Variants in TMEM178B observed in about 807,000 individuals in gnomAD.
The protein encoded by TMEM178B is transmembrane protein 178B.
TMEM178B carries 5 observed loss-of-function variants against 31.0 expected under a neutral mutation model. The observed-to-expected ratio is 0.16, with a 90% confidence interval of 0.08 to 0.34. The LOEUF (loss-of-function observed/expected upper bound fraction) is 0.34, where lower values mean the gene tolerates loss of function less well. TMEM178B is among the 10% of genes least tolerant of loss of function. TMEM178B has a pLI of 1.00. For missense variants in TMEM178B, 275 were observed against 400.3 expected (o/e 0.69, Z 2.67); for synonymous variants, 164 against 164.0 (o/e 1.00, Z 0.00).
intron 2 of TMEM178B, among the ~76,000 whole-genome samples, chr7:141,373,525 G>A (rs990977304): frequency 6.6e-6 from 1 of 152,234 alleles, no homozygotes; most frequent in African/African-American, 2.4e-5. Context: ...CAGAGTGGGA[G>A]GGTGAACTAC....
intron 1 of TMEM178B, among the ~76,000 whole-genome samples, chr7:141,158,809 C>G (rs763475420): frequency 2.6e-5 from 4 of 152,114 alleles, no homozygotes; most frequent in Non-Finnish European, 5.9e-5. Context: ...GCCGAAAGAA[C>G]AAGCCTGCAT....
intron 3 of TMEM178B, among the ~76,000 whole-genome samples, chr7:141,469,053 A>C (rs1303193464): frequency 1.3e-5 from 2 of 152,194 alleles, no homozygotes; most frequent in East Asian, 3.9e-4. Context: ...AGATGCAGCC[A>C]CCATGTTGAA....
intron 2 of TMEM178B, among the ~76,000 whole-genome samples, chr7:141,253,521 A>G (rs1586851999): frequency 8.4e-6 from 1 of 118,398 alleles, no homozygotes; most frequent in Non-Finnish European, 1.9e-5. Flanking sequence ...TACTATTTTC[A>G]TTTTAGATAC....
At chr7:141,186,587 G>C (rs886678493) in intron 1 of TMEM178B, among the ~76,000 whole-genome samples, 1 of 152,144 alleles carries the variant, frequency 6.6e-6, no homozygotes, top group African/African-American at 2.4e-5. Context: ...CTTCACTTCA[G>C]CTGCATTCTT....
chr7:141,288,195 CTTT>C (rs35802402), intron 2 of TMEM178B, among the ~76,000 whole-genome samples: 10 of 149,588 alleles, frequency 6.7e-5, no homozygotes, highest in South Asian at 2.1e-4. Flanking sequence ...TGCCTCTACT[CTTT>C]TTTTTTTTCC....
At chr7:141,179,939 T>C (rs1446449604) in intron 1 of TMEM178B, among the ~76,000 whole-genome samples, 1 of 152,212 alleles carries the variant, frequency 6.6e-6, no homozygotes, top group African/African-American at 2.4e-5. Flanking sequence ...AACTGTCTAC[T>C]CTTCTCAGGC....
intron 2 of TMEM178B, among the ~76,000 whole-genome samples, chr7:141,316,076 CA>C (rs1799000700): frequency 6.6e-6 from 1 of 152,084 alleles, no homozygotes; most frequent in Non-Finnish European, 1.5e-5. Flanking sequence ...TGGAATTTGC[CA>C]GTGGTCATAT....
intron 3 of TMEM178B, among the ~76,000 whole-genome samples, chr7:141,455,021 C>T (rs1170468312): frequency 1.3e-5 from 2 of 152,110 alleles, no homozygotes; most frequent in Non-Finnish European, 2.9e-5. Context: ...GGGCTGAAGT[C>T]CATGCTGAGC....
At chr7:141,247,347 T>C (rs1258241502) in intron 2 of TMEM178B, among the ~76,000 whole-genome samples, 1 of 152,124 alleles carries the variant, frequency 6.6e-6, no homozygotes, top group African/African-American at 2.4e-5. Context: ...TGTCTCTCTA[T>C]CTATATAAGC....
chr7:141,315,224 G>C (rs922577452), intron 2 of TMEM178B, among the ~76,000 whole-genome samples: 2 of 152,152 alleles, frequency 1.3e-5, no homozygotes, highest in African/African-American at 4.8e-5. Flanking sequence ...AACTTCTGTT[G>C]CACCTCTGTC....
intron 2 of TMEM178B, among the ~76,000 whole-genome samples, chr7:141,223,197 G>C (rs1797283084): frequency 6.6e-6 from 1 of 152,196 alleles, no homozygotes; most frequent in Non-Finnish European, 1.5e-5. Context: ...TGGACATAGA[G>C]AGAAAGGAGG....
chr7:141,345,406 G>C (rs1799601082), intron 2 of TMEM178B, among the ~76,000 whole-genome samples: 2 of 152,146 alleles, frequency 1.3e-5, no homozygotes, highest in South Asian at 4.1e-4. Context: ...GGAAAAGTAG[G>C]GTATCTCCTT....
intron 3 of TMEM178B, among the ~76,000 whole-genome samples, chr7:141,453,970 G>A (rs1446640745): frequency 6.6e-6 from 1 of 150,524 alleles, no homozygotes; most frequent in African/African-American, 2.4e-5. Flanking sequence ...TCTAAATCTA[G>A]TATGATATTT....
At chr7:141,307,193 A>C (rs572814890) in intron 2 of TMEM178B, among the ~76,000 whole-genome samples, 49 of 152,086 alleles carry the variant, frequency 3.2e-4, no homozygotes, top group African/African-American at 1.1e-3. Context: ...TTTCTGAACT[A>C]TAATGCTTGG....
chr7:141,410,341 G>A (rs546750752), intron 2 of TMEM178B, among the ~76,000 whole-genome samples: 2 of 152,248 alleles, frequency 1.3e-5, no homozygotes, highest in East Asian at 1.9e-4. Flanking sequence ...ACAAGTCAGG[G>A]CTCCGAGCTC....
chr7:141,080,056 A>G (rs1794657684), intron 1 of TMEM178B, among the ~76,000 whole-genome samples: 1 of 152,206 alleles, frequency 6.6e-6, no homozygotes, highest in South Asian at 2.1e-4. Flanking sequence ...AAAAGGAAAT[A>G]ATACTCTTGG....
chr7:141,289,505 C>T (rs1798506769), intron 2 of TMEM178B, among the ~76,000 whole-genome samples: 1 of 151,958 alleles, frequency 6.6e-6, no homozygotes, highest in Non-Finnish European at 1.5e-5. Context: ...CACATGAGGT[C>T]AGGAGTTTGA....
At chr7:141,092,221 T>C (rs1794893534) in intron 1 of TMEM178B, among the ~76,000 whole-genome samples, 1 of 152,222 alleles carries the variant, frequency 6.6e-6, no homozygotes, top group Admixed American at 6.5e-5. Flanking sequence ...AAAAATCTTG[T>C]AATCTGAACA....
rs537640760 is a variant in TMEM178B, at chr7:141,249,981, C to T, written c.496+37277C>T. ...ACAAAATTTAAACTTACAAGACCAACATCGTAGAGATGAATTCTTTTTAAA... is the reference window on the plus strand; with the variant it reads ...ACAAAATTTAAACTTACAAGACCAATATCGTAGAGATGAATTCTTTTTAAA... On this transcript the variant is annotated intron_variant, in intron 2 of 3. Coordinates refer to ENST00000565468, the MANE Select transcript of TMEM178B (RefSeq NM_001195278.2). Among the ~76,000 whole-genome samples the T allele has an allele frequency of 1.1e-4, 17 of 152,282 alleles. No homozygotes were observed. The South Asian group carries it at 2.5e-3, about 22-fold the overall frequency.
Sources: allele counts gnomAD v4.1 joint callset (sites outside exome capture counted in the v4.1 genomes callset), GRCh38; gene constraint gnomAD v4.1.1; transcripts MANE v1.5; gene names NCBI Gene and HGNC (gene_info 2026-07-23, HGNC 2026-07-21).